The following NALCN variants were observed in gnomAD, a reference collection of about 807,000 sequenced individuals.
The protein encoded by NALCN is sodium leak channel NALCN.
A neutral mutation model predicts 225.3 loss-of-function variants in NALCN; 111 were observed. The ratio of observed to expected loss-of-function variants is 0.49; its 90% CI spans 0.42 to 0.58. The LOEUF is 0.58. NALCN is among the 20% of genes least tolerant of loss of function. NALCN has a pLI of 0.00. For synonymous variants in NALCN, 764 were observed against 769.0 expected, an observed-to-expected ratio of 0.99 and a Z score of 0.11; for missense variants, 1,378 against 2,202.4, an observed-to-expected ratio of 0.63 and a Z score of 7.49.
At chr13:101,314,973 T>C (rs1311663091) in intron 7 of NALCN, among the ~76,000 whole-genome samples, 2 of 46,902 alleles carry the variant, frequency 4.3e-5, no homozygotes, top group Non-Finnish European at 9.6e-5. Flanking sequence ...TGCCTGAACG[T>C]ACCTCCAGTG....
At chr13:101,085,980 GT>G (rs2033910448) in intron 30 of NALCN, among the ~76,000 whole-genome samples, 2 of 151,870 alleles carry the variant, frequency 1.3e-5, no homozygotes, top group Non-Finnish European at 2.9e-5. Context: ...GGTCTTTCTA[GT>G]TTTTTCTGTA....
At chr13:101,150,327 G>A (rs994892144) in intron 15 of NALCN, among the ~76,000 whole-genome samples, 1 of 152,142 alleles carries the variant, frequency 6.6e-6, no homozygotes, top group Admixed American at 6.5e-5. Context: ...TGCTGGGTGT[G>A]TTCAGTTTAC....
chr13:101,180,415 G>A (rs1003728072), intron 14 of NALCN: 2 of 149,710 alleles, frequency 1.3e-5, no homozygotes, highest in Admixed American at 1.3e-4. Flanking sequence ...AGGTTGACCA[G>A]GCTGGTCTTG....
At chr13:101,388,020 T>C (rs564710469) in intron 3 of NALCN, among the ~76,000 whole-genome samples, 1 of 152,298 alleles carries the variant, frequency 6.6e-6, no homozygotes, top group South Asian at 2.1e-4. Context: ...GCTGTATCTG[T>C]TATGACATGC....
chr13:101,313,157 C>A (rs1357290858), intron 7 of NALCN, among the ~76,000 whole-genome samples: 2 of 152,082 alleles, frequency 1.3e-5, no homozygotes, highest in African/African-American at 4.8e-5. Flanking sequence ...GGATCCCTTC[C>A]TTACACCTTA....
chr13:101,211,529 G>A (rs1285094817), intron 13 of NALCN, among the ~76,000 whole-genome samples: 1 of 151,234 alleles, frequency 6.6e-6, no homozygotes, highest in Non-Finnish European at 1.5e-5. Flanking sequence ...CCACAGATGA[G>A]TCACCACAAA....
intron 18 of NALCN, among the ~76,000 whole-genome samples, chr13:101,118,869 G>A (rs1306377442): frequency 1.3e-5 from 2 of 152,160 alleles, no homozygotes; most frequent in Non-Finnish European, 1.5e-5. Flanking sequence ...CTGAGGAGCT[G>A]AGCTCAAAGG....
chr13:101,373,348 T>G (rs55865304), intron 6 of NALCN, among the ~76,000 whole-genome samples: 32,654 of 152,054 alleles, frequency 0.21, 3,650 homozygotes, highest in Non-Finnish European at 0.24. Context: ...GGTAAAGATA[T>G]TTCAATTTAA....
intron 7 of NALCN, among the ~76,000 whole-genome samples, chr13:101,303,094 G>T (rs1199329363): frequency 1.3e-5 from 2 of 152,080 alleles, no homozygotes; most frequent in African/African-American, 2.4e-5. Context: ...TTAAAACACT[G>T]TTGATTTCCA....
intron 10 of NALCN, among the ~76,000 whole-genome samples, chr13:101,266,234 A>C (rs2042591745): frequency 6.6e-6 from 1 of 152,214 alleles, no homozygotes; most frequent in Admixed American, 6.5e-5. Context: ...ATTTGAAAGT[A>C]GAGATGCAGT....
intron 6 of NALCN, chr13:101,368,863 G>A (rs982758714): frequency 2.3e-5 from 4 of 176,628 alleles, no homozygotes; most frequent in African/African-American, 7.2e-5. Flanking sequence ...AAAATTACCC[G>A]GGTGTGGTGG....
At chr13:101,110,730 A>G in intron 19 of NALCN, 42 bp from the exon 20 acceptor site, 3 of 1,600,806 alleles carry the variant, frequency 1.9e-6, no homozygotes, top group Non-Finnish European at 2.6e-6. Context: ...CTCAAGATCA[A>G]ACTGGCCTTT....
chr13:101,073,746 G>A, intron 36 of NALCN, 69 bp from the exon 37 acceptor site: 2 of 1,350,972 alleles, frequency 1.5e-6, no homozygotes, highest in South Asian at 1.3e-5. Context: ...AGCATGGTTT[G>A]CCAACACCAA....
At position 101,342,482 on chromosome 13, in the gene NALCN, G is replaced by T. The variant is rs143625042; in HGVS notation, c.799+2784C>A. On this transcript the variant is annotated intron_variant, in intron 7 of 43. Transcript: ENST00000251127. Reference sequence around the variant, plus strand: ...GGCCTCTGCCTTGTGATGCTGCATGGGGTCCTAGTAAGCCTCCACAATCAG... The same window carrying T: ...GGCCTCTGCCTTGTGATGCTGCATGTGGTCCTAGTAAGCCTCCACAATCAG... Among the ~76,000 whole-genome samples, 3 of 152,276 alleles carry T rather than the reference G, an allele frequency of 2.0e-5. No homozygotes were observed. The East Asian group carries it at 5.8e-4, about 29-fold the overall frequency.
chr13:101,112,584 A>G (rs2035500881), intron 18 of NALCN, among the ~76,000 whole-genome samples: 1 of 152,230 alleles, frequency 6.6e-6, no homozygotes, highest in Admixed American at 6.5e-5. Context: ...TAACTTCCTC[A>G]TTGGTAAAAT....
intron 6 of NALCN, among the ~76,000 whole-genome samples, chr13:101,347,291 C>T (rs542049012): frequency 5.3e-4 from 80 of 152,200 alleles, no homozygotes; most frequent in African/African-American, 1.7e-3. Flanking sequence ...CAGATGAGCT[C>T]ATCTGTCTGC....
Position 101,065,399 on chromosome 13 carries a change from T to C in NALCN, c.4604+5A>G, listed in dbSNP as rs752107811. The stretch of plus-strand genomic sequence containing the variant: ...CATTCAGCCCTGCGAAAGCCTGCCT[T>C]GTACCTCAGGACATCATGGAAGGTG... On this transcript the variant is annotated splice_donor_5th_base_variant and intron_variant, in intron 40 of 43. Transcript: ENST00000251127. 2 of 1,614,060 alleles carry C rather than the reference T, an allele frequency of 1.2e-6. No individual in the cohort carries two copies. Among genetic ancestry groups the C allele is most frequent in the South Asian group, 1.1e-5 (1 of 91,074 alleles).
At chr13:101,337,822 G>C (rs2045431034) in intron 7 of NALCN, among the ~76,000 whole-genome samples, 1 of 152,184 alleles carries the variant, frequency 6.6e-6, no homozygotes, top group Admixed American at 6.5e-5. Flanking sequence ...GTAGTTTGTA[G>C]ATCAAGAGCA....
intron 1 of NALCN, among the ~76,000 whole-genome samples, chr13:101,407,691 G>A (rs1424418663): frequency 1.3e-5 from 2 of 152,122 alleles, no homozygotes; most frequent in East Asian, 3.9e-4. Flanking sequence ...CACATGAATT[G>A]GAAGCAAGTT....
Sources: gnomAD v4.1 joint callset for allele counts (sites outside exome capture counted in the v4.1 genomes callset) on GRCh38, gnomAD v4.1.1 for gene constraint, MANE v1.5 for transcripts, NCBI Gene and HGNC (gene_info 2026-07-23, HGNC 2026-07-21) for gene names.